The following PXK variants were observed in gnomAD, a reference collection of about 807,000 sequenced individuals.
PXK encodes the protein PX domain-containing protein kinase-like protein.
PXK carries 35 observed loss-of-function variants against 84.7 expected under a neutral mutation model. The observed-to-expected ratio is 0.41, with a 90% CI of 0.32 to 0.55. The LOEUF is 0.55. Ranked by LOEUF, PXK falls within the 20% of genes least tolerant of loss-of-function variation. The pLI is 0.21. For missense variants in PXK, 634 were observed against 699.7 expected, an observed-to-expected ratio of 0.91 and a Z score of 1.06; for synonymous variants, 253 against 260.8, an observed-to-expected ratio of 0.97 and a Z score of 0.29.
At chr3:58,336,038 CATATATATATAT>C (rs1168755178) in intron 1 of PXK, among the ~76,000 whole-genome samples, 86 of 43,160 alleles carry the variant, frequency 2.0e-3, no homozygotes, top group East Asian at 0.019. Flanking sequence ...CCTTGGGAAA[CATATATATATAT>C]ATATATATAT....
Position 58,409,603 on chromosome 3 carries a change from G to T in PXK, c.1380G>T (p.Lys460Asn). The part of the protein sequence containing the change: ...HGSEEERKKR[K>N]ILARKKSKRS... ...CTGAGGAGGAAAGAAAAAAAAGAAAGATTTTAGCTCGAAAGGTAAGCCTGC... is the reference window on the plus strand; with the variant it reads ...CTGAGGAGGAAAGAAAAAAAAGAAATATTTTAGCTCGAAAGGTAAGCCTGC... The change falls in exon 15 of 18, where the codon AAG (lysine) becomes AAT (asparagine). Residue 460 changes from lysine to asparagine, a missense_variant. Around this residue, in one of 3 missense-constraint regions of PXK, gnomAD observed 273 missense variants for 283.6 expected, o/e 0.96. Coordinates refer to ENST00000356151, the MANE Select transcript of PXK (RefSeq NM_017771.5). The surrounding 1 kb of genome is among the most constrained non-coding windows in gnomAD (Gnocchi z 4.2). 1 of 1,612,222 alleles carries T rather than the reference G, an allele frequency of 6.2e-7. No individual in the cohort carries two copies. Among genetic ancestry groups the T allele is most frequent in the South Asian group, 1.1e-5 (1 of 90,900 alleles).
chr3:58,335,345 T>A (rs2097574997), intron 1 of PXK, among the ~76,000 whole-genome samples: 1 of 152,192 alleles, frequency 6.6e-6, no homozygotes, highest in African/African-American at 2.4e-5. Context: ...TTCTGTGTTC[T>A]TGTCATTTTA....
At chr3:58,340,277 A>G (rs1339299688) in intron 1 of PXK, among the ~76,000 whole-genome samples, 1 of 149,678 alleles carries the variant, frequency 6.7e-6, no homozygotes, top group Non-Finnish European at 1.5e-5. Context: ...CACGCATCAC[A>G]ATACCTGGCT....
At chr3:58,413,359 G>A (rs2060489909) in intron 17 of PXK, 1 of 225,848 alleles carries the variant, frequency 4.4e-6, no homozygotes, top group Admixed American at 5.2e-5. Flanking sequence ...GGTCAGTTTT[G>A]TCACAGAGCA....
chr3:58,397,023 C>T lies in PXK; in HGVS notation c.823-16C>T. 1 of 1,592,086 alleles carries T rather than the reference C, an allele frequency of 6.3e-7. No individual in the cohort carries two copies. Among genetic ancestry groups the T allele is most frequent in the Non-Finnish European group, 8.6e-7 (1 of 1,165,712 alleles). On this transcript the variant is annotated splice_polypyrimidine_tract_variant and intron_variant, in intron 9 of 17. Transcript: ENST00000356151. This position sits in a 1 kb window ranked among gnomAD's most constrained non-coding sequence, Gnocchi z 4.7. ...TGAGTTTGGGGAAAATGTAACTTTC[C>T]CATATGTTTTGATAGGTACTGAAGT...
intron 1 of PXK, among the ~76,000 whole-genome samples, chr3:58,365,183 A>G (rs1287417524): frequency 6.6e-6 from 1 of 151,960 alleles, no homozygotes; most frequent in Admixed American, 6.6e-5. Flanking sequence ...GTGTTAGCTG[A>G]CGTGTCCCAC....
intron 1 of PXK, among the ~76,000 whole-genome samples, chr3:58,361,261 A>T (rs2098180495): frequency 7.1e-6 from 1 of 141,842 alleles, no homozygotes; most frequent in South Asian, 2.2e-4. Context: ...GTACCACTGC[A>T]CTCCAGCCTG....
intron 17 of PXK, chr3:58,420,999 C>T (rs2061744581): frequency 9.9e-7 from 1 of 1,005,752 alleles, no homozygotes; most frequent in Non-Finnish European, 1.2e-6. Flanking sequence ...GCTTTTATAA[C>T]TGACGGTAGG....
intron 3 of PXK, among the ~76,000 whole-genome samples, chr3:58,374,634 T>G (rs537107278): frequency 1.3e-4 from 20 of 152,214 alleles, no homozygotes; most frequent in Non-Finnish European, 2.5e-4. Flanking sequence ...CATCCTGGCT[T>G]GAAGTCATCA....
At chr3:58,359,073 T>G (rs2098137010) in intron 1 of PXK, among the ~76,000 whole-genome samples, 1 of 152,192 alleles carries the variant, frequency 6.6e-6, no homozygotes, top group African/African-American at 2.4e-5. Context: ...GATAGGTGCT[T>G]AGTCCATGCT....
intron 12 of PXK, among the ~76,000 whole-genome samples, chr3:58,403,573 A>G (rs1390549336): frequency 6.6e-6 from 1 of 152,246 alleles, no homozygotes. Context: ...TAGCATTCGC[A>G]AAAGTAATTT....
intron 9 of PXK, among the ~76,000 whole-genome samples, chr3:58,396,072 A>G (rs1269394040): frequency 2.0e-5 from 3 of 152,104 alleles, no homozygotes; most frequent in Non-Finnish European, 2.9e-5. Context: ...TGATTTTGTT[A>G]TGTCATATGC....
intron 17 of PXK, chr3:58,413,917 C>T (rs2060582983): frequency 6.6e-6 from 1 of 152,168 alleles, no homozygotes; most frequent in Non-Finnish European, 1.5e-5. Context: ...TCTAACTGAC[C>T]CTCCTAAGAA....
chr3:58,342,660 A>AAAAAG (rs1463274218), intron 1 of PXK, among the ~76,000 whole-genome samples: 14 of 151,524 alleles, frequency 9.2e-5, no homozygotes, highest in Admixed American at 9.2e-4. Context: ...AAGAAAAGAA[A>AAAAAG]AAAAGAAAGA....
At position 58,351,275 on chromosome 3, in the gene PXK, C is replaced by T. The variant is rs145783080; in HGVS notation, c.103-14599C>T. On this transcript the variant is annotated intron_variant, in intron 1 of 17. Coordinates refer to ENST00000356151, the MANE Select transcript of PXK (RefSeq NM_017771.5). Reference sequence around the variant, plus strand: ...AGGCTGGAGTGCAGTGGTGCAATCACGGCTCACGGCAGCCTCCATCTCCCT... The same window carrying T: ...AGGCTGGAGTGCAGTGGTGCAATCATGGCTCACGGCAGCCTCCATCTCCCT... Among the ~76,000 whole-genome samples, 843 of 152,136 alleles carry T rather than the reference C, an allele frequency of 5.5e-3. 9 individuals carry two copies. Among genetic ancestry groups the T allele is most frequent in the African/African-American group, 0.019 (803 of 41,490 alleles).
chr3:58,341,144 T>C (rs2097722716), intron 1 of PXK, among the ~76,000 whole-genome samples: 1 of 152,200 alleles, frequency 6.6e-6, no homozygotes, highest in Admixed American at 6.5e-5. Flanking sequence ...AAGTGCTTTA[T>C]CTTTGGTAAA....
chr3:58,372,403 A>G (rs981615797), intron 3 of PXK, among the ~76,000 whole-genome samples: 3 of 151,948 alleles, frequency 2.0e-5, no homozygotes, highest in Admixed American at 1.3e-4. Flanking sequence ...GCTGACTGCA[A>G]GCTCCGCCTC....
intron 1 of PXK, among the ~76,000 whole-genome samples, chr3:58,347,980 GT>G (rs2097852770): frequency 6.6e-6 from 1 of 152,040 alleles, no homozygotes. Flanking sequence ...GTGGTGTGAA[GT>G]TGGCTCACCG....
intron 1 of PXK, among the ~76,000 whole-genome samples, chr3:58,357,988 A>G (rs1226960317): frequency 6.6e-6 from 1 of 152,172 alleles, no homozygotes; most frequent in African/African-American, 2.4e-5. Flanking sequence ...AAAAAAACAA[A>G]AAAACCAAGA....
Sources: allele counts gnomAD v4.1 joint callset (sites outside exome capture counted in the v4.1 genomes callset), GRCh38; gene constraint gnomAD v4.1.1; regional missense constraint gnomAD v4.1.1; non-coding constraint Gnocchi (gnomAD v3.1); transcripts MANE v1.5; gene names NCBI Gene and HGNC (gene_info 2026-07-23, HGNC 2026-07-21).